The following FBXL19 variants were observed in gnomAD, a reference collection of about 807,000 sequenced individuals.
FBXL19 encodes F-box/LRR-repeat protein 19.
A neutral mutation model predicts 71.2 loss-of-function variants in FBXL19; 16 were observed. The ratio of observed to expected loss-of-function variants is 0.22; its 90% CI spans 0.15 to 0.34. The LOEUF (loss-of-function observed/expected upper bound fraction) is 0.34, where lower values mean the gene tolerates loss of function less well. FBXL19 is among the 10% of genes least tolerant of loss of function. The pLI, the probability that FBXL19 is intolerant of heterozygous loss-of-function variation, is 1.00. For missense variants in FBXL19, 658 were observed against 968.2 expected, an observed-to-expected ratio of 0.68 and a Z score of 4.25; for synonymous variants, 447 against 409.4, an observed-to-expected ratio of 1.09 and a Z score of -1.11.
At position 30,942,269 on chromosome 16, in the gene FBXL19, C is replaced by T. The variant is rs746542880; in HGVS notation, c.1455C>T (p.Asn485=). 58 of 1,599,568 alleles carry T rather than the reference C, an allele frequency of 3.6e-5. No homozygotes were observed. Among genetic ancestry groups the T allele is most frequent in the Non-Finnish European group, 4.7e-5 (55 of 1,173,298 alleles). The part of the protein sequence containing the change: ...VSKKQLMWLL[N]RLQGLQELVL... ...AGAAGCAGCTCATGTGGCTTCTGAA[C>T]CGACTACAAGGTAGGGTGTGTGGTA... is the stretch of plus-strand genomic sequence containing the variant. The change falls in exon 8 of 11, where the codon AAC becomes AAT. Residue 485 remains asparagine, a synonymous_variant. Transcript: ENST00000338343. The surrounding 1 kb of genome is among the most constrained non-coding windows in gnomAD (Gnocchi z 5.7).
intron 7 of FBXL19, among the ~76,000 whole-genome samples, chr16:30,931,649 C>T (rs1567339177): frequency 6.6e-6 from 1 of 152,226 alleles, no homozygotes; most frequent in Admixed American, 6.5e-5. Flanking sequence ...CTGGTGCCTT[C>T]TGGTATCTGC....
chr16:30,927,954 A>G lies in FBXL19; in HGVS notation c.618A>G (p.Pro206=), dbSNP rs1451583935. 6 of 1,521,728 alleles carry G rather than the reference A, an allele frequency of 3.9e-6. No individual in the cohort carries two copies. In the South Asian group the frequency reaches 8.0e-5, roughly 20 times the overall value. The allele number at this position is 1,521,728 out of a possible 1,614,324, so 94.3% of individuals were successfully genotyped here. The part of the protein sequence containing the change: ...EREAGNEPPT[P]RKKVKGGRER... ...AGGCAGGGAATGAGCCTCCCACCCCAAGGAAAAAGGTGAGCCACGGAGCAC... is the reference window on the plus strand; with the variant it reads ...AGGCAGGGAATGAGCCTCCCACCCCGAGGAAAAAGGTGAGCCACGGAGCAC... Residue 206 remains proline, a synonymous_variant, in exon 5 of 11, where the codon CCA becomes CCG. Coordinates refer to ENST00000338343, the MANE Select transcript of FBXL19 (RefSeq NM_001382779.1).
chr16:30,939,713 C>T (rs911937057), intron 7 of FBXL19, among the ~76,000 whole-genome samples: 9 of 151,920 alleles, frequency 5.9e-5, no homozygotes, highest in East Asian at 1.9e-4. Context: ...CCACCGCGCC[C>T]GGCAACAATA....
intron 7 of FBXL19, among the ~76,000 whole-genome samples, chr16:30,937,125 A>G (rs2055747718): frequency 2.0e-5 from 3 of 152,066 alleles, no homozygotes; most frequent in Non-Finnish European, 4.4e-5. Context: ...TGCTTAATGC[A>G]TGGGACAGTG....
intron 7 of FBXL19, among the ~76,000 whole-genome samples, chr16:30,933,951 C>T (rs1241600029): frequency 1.3e-5 from 2 of 151,908 alleles, no homozygotes; most frequent in Admixed American, 1.3e-4. Flanking sequence ...GGGGGTTTCT[C>T]CATGTTGGTC....
chr16:30,929,971 G>A, intron 6 of FBXL19, 102 bp from the exon 7 acceptor site: 8 of 1,467,248 alleles, frequency 5.5e-6, no homozygotes, highest in Non-Finnish European at 7.3e-6. Flanking sequence ...TGGAACTCAG[G>A]ACTGTCCCTC....
At chr16:30,935,317 T>C (rs774531163) in intron 7 of FBXL19, among the ~76,000 whole-genome samples, 78 of 152,116 alleles carry the variant, frequency 5.1e-4, no homozygotes, top group Middle Eastern at 3.4e-3. Flanking sequence ...CAGGATGCAG[T>C]GTGGAAGGAT....
At chr16:30,924,871 TA>T in intron 1 of FBXL19, 1 of 937,274 alleles carries the variant, frequency 1.1e-6, no homozygotes, top group Non-Finnish European at 1.5e-6. Flanking sequence ...TCTAGATGAT[TA>T]GGGATGAAAG....
In FBXL19 at chr16:30,946,608, A is replaced by C; in HGVS notation, c.1628-122A>C. 1.1e-6 allele frequency: 1 copy of C among 926,376 alleles called. No homozygotes were observed. Among genetic ancestry groups the C allele is most frequent in the Non-Finnish European group, 1.6e-6 (1 of 615,492 alleles). 57.4% of individuals were successfully genotyped at this position (926,376 alleles called of 1,614,324 possible). On this transcript the variant is annotated intron_variant, in intron 9 of 10. Coordinates refer to ENST00000338343, the MANE Select transcript of FBXL19 (RefSeq NM_001382779.1). This position sits in a 1 kb window ranked among gnomAD's most constrained non-coding sequence, Gnocchi z 6.7. ...CCATGAGGGTGTTTTTGAGAAGAGC[A>C]AGCCACAGAGTGCACCAGGTCACTC...
chr16:30,927,725 C>T lies in FBXL19; in HGVS notation c.409-20C>T. On this transcript the variant is annotated intron_variant, in intron 4 of 10. Coordinates refer to ENST00000338343, the MANE Select transcript of FBXL19 (RefSeq NM_001382779.1). The stretch of plus-strand genomic sequence containing the variant: ...TGGGGAGCTGTGCAGGTCCTCACCC[C>T]CAGCTTCTGTCCCGCCTAGGATTCA... 1 of 1,556,144 alleles carries T rather than the reference C, an allele frequency of 6.4e-7. No homozygotes were observed. Among genetic ancestry groups the T allele is most frequent in the Non-Finnish European group, 8.7e-7 (1 of 1,150,142 alleles).
At position 30,925,963 on chromosome 16, in the gene FBXL19, C is replaced by G. The variant is rs2055585869; in HGVS notation, c.177+32C>G. ...TCTGCCCCCACCTTTGGGCTCTGCCCACCCTTCCCAATACCTTCTTGGAAT... is the reference window on the plus strand; with the variant it reads ...TCTGCCCCCACCTTTGGGCTCTGCCGACCCTTCCCAATACCTTCTTGGAAT... On this transcript the variant is annotated intron_variant, in intron 2 of 10. Transcript: ENST00000338343. This position sits in a 1 kb window ranked among gnomAD's most constrained non-coding sequence, Gnocchi z 5.0. The G allele has an allele frequency of 1.4e-6, 2 of 1,459,004 alleles. No individual in the cohort carries two copies. The highest frequency in any genetic ancestry group is 1.8e-6 in the Non-Finnish European group (2 of 1,109,210). The allele number at this position is 1,459,004 out of a possible 1,614,324, so 90.4% of individuals were successfully genotyped here.
In FBXL19 at chr16:30,942,616, T is replaced by C. The variant is rs1468584053; in HGVS notation, c.1627+80T>C. The C allele has an allele frequency of 6.9e-7, 1 of 1,447,114 alleles. No homozygotes were observed. Among genetic ancestry groups the C allele is most frequent in the African/African-American group, 1.4e-5 (1 of 69,982 alleles). The allele number at this position is 1,447,114 out of a possible 1,614,324, so 89.6% of individuals were successfully genotyped here. ...GGCCTCTCAGGTCTCTTCTGACTCA[T>C]GCTGGATGGTAAAGTATTTGAAGAA... On this transcript the variant is annotated intron_variant, in intron 9 of 10. Coordinates refer to ENST00000338343, the MANE Select transcript of FBXL19 (RefSeq NM_001382779.1). This position sits in a 1 kb window ranked among gnomAD's most constrained non-coding sequence, Gnocchi z 5.7.
At position 30,947,606 on chromosome 16, in the gene FBXL19, A is replaced by AGGGG; in HGVS notation, c.*376_*377insGGGG. On this transcript the variant is annotated 3_prime_UTR_variant, in exon 11 of 11. Coordinates refer to ENST00000338343, the MANE Select transcript of FBXL19 (RefSeq NM_001382779.1). The stretch of plus-strand genomic sequence containing the variant: ...GGGAGCCAGGGGCTGGGGGAGGTGG[A>AGGGG]AGGGGCGGGGGGCGGGGCAGACAGC... 1 of 260,228 alleles carries AGGGG rather than the reference A, an allele frequency of 3.8e-6. No individual in the cohort carries two copies. Among genetic ancestry groups the AGGGG allele is most frequent in the South Asian group, 2.8e-5 (1 of 36,140 alleles). 16.1% of individuals were successfully genotyped at this position (260,228 alleles called of 1,614,324 possible).
upstream of FBXL19, chr16:30,923,349 C>G: frequency 1.5e-5 from 6 of 396,952 alleles, no homozygotes; most frequent in South Asian, 1.1e-4. Context: ...CTCCGCCGTC[C>G]TGTTTGTAGT....
At chr16:30,924,742 A>T in intron 1 of FBXL19, 1 of 1,495,128 alleles carries the variant, frequency 6.7e-7, no homozygotes, top group Admixed American at 2.7e-5. Flanking sequence ...GATGGGTATG[A>T]AAGTCCCCGG....
Position 30,947,072 on chromosome 16 carries a change from C to T in FBXL19, c.1867C>T (p.His623Tyr). 6.3e-7 allele frequency: 1 copy of T among 1,595,488 alleles called. No homozygotes were observed. ...CCCAGGTTGCCACCGCCTAACGGACCACTGCCTCCCGCTGTTCCGCCGCTG... is the reference window on the plus strand; with the variant it reads ...CCCAGGTTGCCACCGCCTAACGGACTACTGCCTCCCGCTGTTCCGCCGCTG... ...NLAGCHRLTD[H>Y]CLPLFRRCPR... Residue 623 changes from histidine (H) to tyrosine (Y), a missense_variant, in exon 11 of 11, where the codon CAC becomes TAC. By Grantham distance (83) the His-to-Tyr change is moderately conservative. Around this residue, in one of 8 missense-constraint regions of FBXL19, gnomAD observed 69 missense variants for 177.8 expected, o/e 0.39. Coordinates refer to ENST00000338343, the MANE Select transcript of FBXL19 (RefSeq NM_001382779.1).
At chr16:30,944,525 C>G (rs370206045) in intron 9 of FBXL19, among the ~76,000 whole-genome samples, 1 of 152,074 alleles carries the variant, frequency 6.6e-6, no homozygotes, top group East Asian at 1.9e-4. Flanking sequence ...TGATCTTGTT[C>G]TTTTTTATGG....
At position 30,927,420 on chromosome 16, in the gene FBXL19, G is replaced by A; in HGVS notation, c.290G>A (p.Cys97Tyr). 6.3e-7 allele frequency: 1 copy of A among 1,593,406 alleles called. No homozygotes were observed. The highest frequency in any genetic ancestry group is 1.1e-5 in the South Asian group (1 of 87,584). The stretch of plus-strand genomic sequence containing the variant: ...TTGAGCCTCATGGAGTGTACAATCT[G>A]CAACGAGATCGTCCACCCCGGCTGC... ...FGLSLMECTI[C>Y]NEIVHPGCLK... is the part of the protein sequence containing the mutation. The change falls in exon 3 of 11, where the codon TGC becomes TAC. Residue 97 changes from cysteine (C) to tyrosine (Y), a missense_variant. Physicochemically the swap from Cys to Tyr is radical, Grantham distance 194. Coordinates refer to ENST00000338343, the MANE Select transcript of FBXL19 (RefSeq NM_001382779.1).
At chr16:30,943,467 C>T (rs567714393) in intron 9 of FBXL19, among the ~76,000 whole-genome samples, 177 of 148,882 alleles carry the variant, frequency 1.2e-3, no homozygotes, top group African/African-American at 4.1e-3. Flanking sequence ...CTCCACCTCC[C>T]GGGTTCACGC....
Sources: allele counts gnomAD v4.1 joint callset (sites outside exome capture counted in the v4.1 genomes callset), GRCh38; gene constraint gnomAD v4.1.1; regional missense constraint gnomAD v4.1.1; non-coding constraint Gnocchi (gnomAD v3.1); transcripts MANE v1.5; gene names NCBI Gene and HGNC (gene_info 2026-07-23, HGNC 2026-07-21).